ATP10A: variants seen among roughly 807,000 people sequenced by gnomAD.
ATP10A encodes the protein ATPase phospholipid transporting 10A (putative).
Under a neutral mutation model 147.8 loss-of-function variants are expected in ATP10A, and 111 were observed. That is an observed-to-expected ratio of 0.75 (90% CI 0.64 to 0.88). The LOEUF (loss-of-function observed/expected upper bound fraction) is 0.88. Ranked by LOEUF, ATP10A falls within the 40% of genes least tolerant of loss-of-function variation. The probability of loss-of-function intolerance (pLI) is 0.00; values close to 1 mark genes in which losing one functional copy is unlikely to be tolerated. For synonymous variants in ATP10A, 875 were observed against 841.6 expected (o/e 1.04, Z -0.69); for missense variants, 1,927 against 1,959.0 (o/e 0.98, Z 0.31).
intron 2 of ATP10A, among the ~76,000 whole-genome samples, chr15:25,743,774 A>G (rs4906763): frequency 0.79 from 120,054 of 152,154 alleles, 48,166 homozygotes; most frequent in Admixed American, 0.87. Context: ...GAGGCTCTAG[A>G]AGAGAATGCA....
Position 25,862,452 on chromosome 15 carries a change from G to C in ATP10A, c.449+196C>G, listed in dbSNP as rs554032953. 569 of 699,020 alleles carry C rather than the reference G, an allele frequency of 8.1e-4. 12 individuals are homozygous for C. In the South Asian group the frequency reaches 9.5e-3, roughly 12 times the overall value. 43.3% of individuals were successfully genotyped at this position (699,020 alleles called of 1,614,324 possible). A position where few individuals can be genotyped will look rare whatever the true frequency, so the allele number is the denominator to read the frequency against. On this transcript the variant is annotated intron_variant, in intron 1 of 20. Coordinates refer to ENST00000555815, the MANE Select transcript of ATP10A (RefSeq NM_024490.4). ...CCGCATCCAGGGCGCCCCTTTAGCT[G>C]CGGCGGAGGCACAGAGAGGCCTTGG...
At chr15:25,804,487 G>A (rs955091823) in intron 1 of ATP10A, among the ~76,000 whole-genome samples, 15 of 146,228 alleles carry the variant, frequency 1.0e-4, no homozygotes, top group African/African-American at 4.1e-4. Context: ...TGTGTGTGGT[G>A]TGTGTCTGTG....
chr15:25,803,646 A>G (rs2317392), intron 1 of ATP10A, among the ~76,000 whole-genome samples: 41,002 of 152,126 alleles, frequency 0.27, 6,525 homozygotes, highest in African/African-American at 0.44. Context: ...TACATTCCCC[A>G]GGATCCAAGG....
At chr15:25,743,364 T>G (rs1240267904) in intron 2 of ATP10A, among the ~76,000 whole-genome samples, 1 of 152,180 alleles carries the variant, frequency 6.6e-6, no homozygotes, top group Non-Finnish European at 1.5e-5. Flanking sequence ...GACTGGGCAA[T>G]TTGGACCAAA....
chr15:25,713,386 C>G (rs976516119), intron 10 of ATP10A, among the ~76,000 whole-genome samples: 1 of 152,182 alleles, frequency 6.6e-6, no homozygotes, highest in Non-Finnish European at 1.5e-5. Flanking sequence ...TCTAGATTCT[C>G]AACCTTCATT....
At chr15:25,731,227 C>T (rs1275132402) in intron 3 of ATP10A, among the ~76,000 whole-genome samples, 1 of 152,140 alleles carries the variant, frequency 6.6e-6, no homozygotes, top group Non-Finnish European at 1.5e-5. Flanking sequence ...AGAATGGTCA[C>T]CAAAGGAGAA....
chr15:25,780,333 A>G (rs114259361), intron 2 of ATP10A, among the ~76,000 whole-genome samples: 1 of 152,236 alleles, frequency 6.6e-6, no homozygotes, highest in African/African-American at 2.4e-5. Flanking sequence ...TGGGAGGAGA[A>G]GGCTCGGGCC....
intron 1 of ATP10A, among the ~76,000 whole-genome samples, chr15:25,833,886 G>C (rs1233385707): frequency 6.6e-6 from 1 of 152,066 alleles, no homozygotes; most frequent in Non-Finnish European, 1.5e-5. Flanking sequence ...GCAGGAGAAA[G>C]GAGTGAACCC....
At chr15:25,828,903 T>C (rs973617167) in intron 1 of ATP10A, among the ~76,000 whole-genome samples, 2 of 152,186 alleles carry the variant, frequency 1.3e-5, no homozygotes, top group African/African-American at 4.8e-5. Flanking sequence ...CCAGGATAGA[T>C]TTATAGAAAT....
intron 14 of ATP10A, 146 bp downstream of exon 14, chr15:25,694,673 G>A: frequency 1.3e-6 from 1 of 756,538 alleles, no homozygotes. Context: ...TTCGGAACAT[G>A]TTGCCTGCTC....
intron 1 of ATP10A, among the ~76,000 whole-genome samples, chr15:25,843,346 A>G (rs936744012): frequency 3.9e-5 from 6 of 151,948 alleles, no homozygotes; most frequent in African/African-American, 1.5e-4. Flanking sequence ...AAGTTCAGAG[A>G]TGGAAGGAAA....
chr15:25,787,096 G>A (rs141791923), intron 1 of ATP10A, among the ~76,000 whole-genome samples: 151 of 152,104 alleles, frequency 9.9e-4, no homozygotes, highest in African/African-American at 3.5e-3. Context: ...GAAACCAAAC[G>A]CGCAGAGACT....
At chr15:25,755,400 G>A (rs1888360037) in intron 2 of ATP10A, among the ~76,000 whole-genome samples, 1 of 152,150 alleles carries the variant, frequency 6.6e-6, no homozygotes, top group South Asian at 2.1e-4. Context: ...AGTCTCAGTG[G>A]ACTACTTATG....
rs182260409 is a variant in ATP10A, at chr15:25,829,574, T to C, written c.449+33074A>G. Among the ~76,000 whole-genome samples, 10 of 152,248 alleles carry C rather than the reference T, an allele frequency of 6.6e-5. No individual in the cohort carries two copies. The East Asian group carries it at 9.7e-4, about 15-fold the overall frequency. On this transcript the variant is annotated intron_variant, in intron 1 of 20. Transcript: ENST00000555815. ...GAGGGTGGGTAGAGAAACATCTAAA[T>C]GCCCAAATCCATACGTGGGTCAGAC...
intron 1 of ATP10A, among the ~76,000 whole-genome samples, chr15:25,838,189 T>C (rs1892670649): frequency 6.6e-6 from 1 of 152,304 alleles, no homozygotes; most frequent in Admixed American, 6.5e-5. Context: ...TAACAGAAAC[T>C]GTGATGCTTT....
chr15:25,726,123 G>A, intron 4 of ATP10A, 41 bp from the exon 5 acceptor site: 1 of 1,600,098 alleles, frequency 6.2e-7, no homozygotes, highest in Non-Finnish European at 8.5e-7. Context: ...TCAGAGACTG[G>A]AGCTAAGGGA....
downstream of ATP10A, among the ~76,000 whole-genome samples, chr15:25,673,643 G>A (rs949189916): frequency 1.3e-5 from 2 of 152,168 alleles, no homozygotes; most frequent in East Asian, 1.9e-4. Context: ...CTCACCCTTC[G>A]TCACTGTCAC....
In ATP10A at chr15:25,694,922, G is replaced by C. The variant is rs751247911; in HGVS notation, c.2985C>G (p.Ala995=). 1 of 1,614,158 alleles carries C rather than the reference G, an allele frequency of 6.2e-7. No individual in the cohort carries two copies. Among genetic ancestry groups the C allele is most frequent in the Non-Finnish European group, 8.5e-7 (1 of 1,180,036 alleles). The change falls in exon 14 of 21, where the codon GCC becomes GCG. Residue 995 remains alanine (A), a synonymous_variant. Coordinates refer to ENST00000555815, the MANE Select transcript of ATP10A (RefSeq NM_024490.4). ...KNLEDKFLFL[A]KQCRSVLCCR... ...AGCAGAGGACGGAGCGGCACTGCTT[G>C]GCAAGGAAGAGGAATTTGTCCTCCA...
At chr15:25,798,454 C>T (rs1008962259) in intron 1 of ATP10A, among the ~76,000 whole-genome samples, 8 of 152,158 alleles carry the variant, frequency 5.3e-5, no homozygotes, top group African/African-American at 1.9e-4. Flanking sequence ...TCAGCAGACA[C>T]CCACGCAAGT....
Sources: gnomAD v4.1 joint callset for allele counts (sites outside exome capture counted in the v4.1 genomes callset) on GRCh38, gnomAD v4.1.1 for gene constraint, MANE v1.5 for transcripts, NCBI Gene and HGNC (gene_info 2026-07-23, HGNC 2026-07-21) for gene names.